RPGRIP1L: variants seen among roughly 807,000 people sequenced by gnomAD.
RPGRIP1L encodes RPGRIP1 like.
A neutral mutation model predicts 160.4 loss-of-function variants in RPGRIP1L; 131 were observed. The observed-to-expected ratio is 0.82, with a 90% CI of 0.71 to 0.94. The LOEUF (loss-of-function observed/expected upper bound fraction) is 0.94, where lower values mean the gene tolerates loss of function less well. Ranked by LOEUF, RPGRIP1L falls within the 40% of genes least tolerant of loss-of-function variation. The probability of loss-of-function intolerance (pLI) is 0.00; values close to 1 mark genes in which losing one functional copy is unlikely to be tolerated. For synonymous variants in RPGRIP1L, 510 were observed against 515.8 expected (o/e 0.99, Z 0.15); for missense variants, 1,522 against 1,535.8 (o/e 0.99, Z 0.15).
At chr16:53,666,047 A>C (rs1037816175) in intron 9 of RPGRIP1L, among the ~76,000 whole-genome samples, 1 of 152,218 alleles carries the variant, frequency 6.6e-6, no homozygotes, top group Non-Finnish European at 1.5e-5. Flanking sequence ...CCCAGTAAAT[A>C]CAACAAAAAC....
chr16:53,675,514 C>T (rs575381403), intron 6 of RPGRIP1L, among the ~76,000 whole-genome samples: 13 of 152,084 alleles, frequency 8.5e-5, no homozygotes, highest in Non-Finnish European at 1.8e-4. Context: ...AGGACTATCA[C>T]GCTACTTTTC....
intron 2 of RPGRIP1L, among the ~76,000 whole-genome samples, chr16:53,697,254 C>T (rs1970839298): frequency 6.6e-6 from 1 of 151,894 alleles, no homozygotes; most frequent in African/African-American, 2.4e-5. Flanking sequence ...GCTGCTTGAA[C>T]AGGAACATCA....
intron 22 of RPGRIP1L, among the ~76,000 whole-genome samples, chr16:53,626,130 A>G (rs1331375031): frequency 6.8e-6 from 1 of 146,600 alleles, no homozygotes; most frequent in East Asian, 2.0e-4. Flanking sequence ...ACAACCAAGA[A>G]TGATCAATAA....
At chr16:53,681,597 C>T (rs1272997972) in intron 6 of RPGRIP1L, among the ~76,000 whole-genome samples, 1 of 152,104 alleles carries the variant, frequency 6.6e-6, no homozygotes, top group Admixed American at 6.5e-5. Context: ...GCAAAAATCA[C>T]AACTCACTCT....
chr16:53,691,339 A>ATT (rs1970371348), intron 4 of RPGRIP1L, among the ~76,000 whole-genome samples: 1 of 152,234 alleles, frequency 6.6e-6, no homozygotes, highest in East Asian at 1.9e-4. Context: ...AGAATTGAAA[A>ATT]TTTTTATTAG....
At chr16:53,653,339 T>C (rs1356487351) in intron 14 of RPGRIP1L, 13 of 1,091,226 alleles carry the variant, frequency 1.2e-5, no homozygotes, top group Non-Finnish European at 6.7e-6. Context: ...TCTTCACTCC[T>C]ATAAAGTCAG....
At chr16:53,676,805 T>C (rs1367166634) in intron 6 of RPGRIP1L, among the ~76,000 whole-genome samples, 1 of 152,018 alleles carries the variant, frequency 6.6e-6, no homozygotes, top group Non-Finnish European at 1.5e-5. Flanking sequence ...GCTGATTTTT[T>C]TGTATTTTTA....
chr16:53,657,310 T>A (rs1967345331), intron 13 of RPGRIP1L, 143 bp downstream of exon 13: 8 of 604,252 alleles, frequency 1.3e-5, no homozygotes, highest in Middle Eastern at 4.5e-4. Context: ...TACCTAGTTA[T>A]AAGGCTACAT....
At chr16:53,645,532 G>T in intron 17 of RPGRIP1L, 93 bp downstream of exon 17, 1 of 1,183,608 alleles carries the variant, frequency 8.4e-7, no homozygotes, top group Non-Finnish European at 1.2e-6. Context: ...GAAGAGGTTA[G>T]GGTGATTAGT....
chr16:53,689,523 C>A (rs1227270044), intron 4 of RPGRIP1L, among the ~76,000 whole-genome samples: 1 of 152,138 alleles, frequency 6.6e-6, no homozygotes, highest in African/African-American at 2.4e-5. Flanking sequence ...AGTATTGTTT[C>A]TATATTACAT....
chr16:53,666,590 G>GTATA (rs772134937), intron 9 of RPGRIP1L, among the ~76,000 whole-genome samples: 8 of 130,444 alleles, frequency 6.1e-5, no homozygotes, highest in Non-Finnish European at 1.4e-4. Flanking sequence ...GTGTGTGTGT[G>GTATA]TGTATATATA....
At chr16:53,611,536 G>A (rs1209278771) in intron 24 of RPGRIP1L, among the ~76,000 whole-genome samples, 4 of 152,232 alleles carry the variant, frequency 2.6e-5, no homozygotes, top group East Asian at 1.9e-4. Flanking sequence ...GAGGAAATCC[G>A]CAGGCTGACG....
chr16:53,657,803 G>A (rs1967395658), intron 12 of RPGRIP1L, among the ~76,000 whole-genome samples, 171 bp from the exon 13 acceptor site: 1 of 151,852 alleles, frequency 6.6e-6, no homozygotes, highest in Admixed American at 6.6e-5. Context: ...CTTCATTCCT[G>A]ATGGAAAAAA....
intron 22 of RPGRIP1L, among the ~76,000 whole-genome samples, chr16:53,634,202 T>C (rs936040247): frequency 6.6e-6 from 1 of 152,146 alleles, no homozygotes; most frequent in Non-Finnish European, 1.5e-5. Flanking sequence ...TCAAGCCCTT[T>C]CAAAAGGGTG....
intron 6 of RPGRIP1L, among the ~76,000 whole-genome samples, chr16:53,675,514 C>A (rs575381403): frequency 6.6e-6 from 1 of 152,084 alleles, no homozygotes; most frequent in Non-Finnish European, 1.5e-5. Flanking sequence ...AGGACTATCA[C>A]GCTACTTTTC....
At chr16:53,641,510 G>A in intron 17 of RPGRIP1L, 35 bp from the exon 18 acceptor site, 1 of 1,562,656 alleles carries the variant, frequency 6.4e-7, no homozygotes, top group Non-Finnish European at 8.8e-7. Flanking sequence ...TAATGCTAGA[G>A]TGAAGTTTTA....
In RPGRIP1L at chr16:53,605,610, G is replaced by A. The variant is rs151332923; in HGVS notation, c.3706C>T (p.Arg1236Cys). 1,611 of 1,613,988 alleles carry A rather than the reference G, an allele frequency of 1.0e-3. No homozygotes were observed. Among genetic ancestry groups the A allele is most frequent in the Non-Finnish European group, 1.2e-3 (1,457 of 1,179,992 alleles). The change falls in exon 26 of 27, where the codon CGC becomes TGC. Residue 1236 changes from arginine to cysteine, a missense_variant. Coordinates refer to ENST00000647211, the MANE Select transcript of RPGRIP1L (RefSeq NM_015272.5). The stretch of plus-strand genomic sequence containing the variant: ...GGAGGGTCACTGACCACGGTGAAGC[G>A]AAGGCTGGTAAGGCAGAGATCAGAG... ...QKQEMPNRSL[R>C]FTVVSDPPED... is the part of the protein sequence containing the mutation.
chr16:53,671,391 T>A, intron 9 of RPGRIP1L, 119 bp downstream of exon 9: 1 of 697,352 alleles, frequency 1.4e-6, no homozygotes, highest in Non-Finnish European at 2.5e-6. Flanking sequence ...TTTGCATATT[T>A]CTTGCTATCA....
intron 23 of RPGRIP1L, among the ~76,000 whole-genome samples, chr16:53,620,129 A>C (rs997540688): frequency 1.3e-5 from 2 of 152,132 alleles, no homozygotes; most frequent in African/African-American, 2.4e-5. Context: ...TGAAAATAAG[A>C]CCTGTTTATA....
Sources: allele counts gnomAD v4.1 joint callset (sites outside exome capture counted in the v4.1 genomes callset), GRCh38; gene constraint gnomAD v4.1.1; transcripts MANE v1.5; gene names NCBI Gene and HGNC (gene_info 2026-07-23, HGNC 2026-07-21).